The following CPA6 variants were observed in gnomAD, a reference collection of about 807,000 sequenced individuals.
The protein encoded by CPA6 is carboxypeptidase A6.
CPA6 carries 58 observed loss-of-function variants against 63.3 expected under a neutral mutation model. That is an observed-to-expected ratio of 0.92 (90% CI 0.74 to 1.14). The LOEUF (loss-of-function observed/expected upper bound fraction) is 1.14. Ranked by LOEUF, CPA6 falls within the 50% of genes most tolerant of loss-of-function variation. The pLI is 0.00. For missense variants in CPA6, 565 were observed against 526.6 expected (o/e 1.07, Z -0.71); for synonymous variants, 185 against 179.0 (o/e 1.03, Z -0.27).
intron 2 of CPA6, among the ~76,000 whole-genome samples, chr8:67,546,635 T>C (rs530303098): frequency 2.0e-5 from 3 of 152,168 alleles, no homozygotes; most frequent in Non-Finnish European, 2.9e-5. Context: ...CTGGGCCCCA[T>C]GTCCAGAGTT....
chr8:67,708,406 A>G (rs1327617130), intron 1 of CPA6, among the ~76,000 whole-genome samples: 5 of 152,202 alleles, frequency 3.3e-5, no homozygotes, highest in African/African-American at 4.8e-5. Flanking sequence ...TAAATCTATT[A>G]AAGTTGTTTT....
chr8:67,438,099 G>GT (rs1046364144), intron 8 of CPA6, among the ~76,000 whole-genome samples: 2 of 152,136 alleles, frequency 1.3e-5, no homozygotes, highest in African/African-American at 4.8e-5. Flanking sequence ...TGTATTTTTA[G>GT]TAGAGACGGG....
intron 8 of CPA6, among the ~76,000 whole-genome samples, chr8:67,461,267 A>C (rs1587451310): frequency 7.0e-6 from 1 of 142,514 alleles, no homozygotes; most frequent in Admixed American, 7.1e-5. Context: ...ATGATTCTTA[A>C]CGAGCATGCT....
chr8:67,665,747 G>A (rs74759674), intron 1 of CPA6, among the ~76,000 whole-genome samples: 1 of 152,196 alleles, frequency 6.6e-6, no homozygotes, highest in Non-Finnish European at 1.5e-5. Context: ...AGGCAATAAA[G>A]TTTGAGCATG....
intron 1 of CPA6, among the ~76,000 whole-genome samples, chr8:67,664,600 CT>C (rs1293087401): frequency 2.0e-5 from 3 of 151,928 alleles, no homozygotes; most frequent in Non-Finnish European, 2.9e-5. Flanking sequence ...TGCCCCCTGC[CT>C]TTTTTTTCTT....
intron 1 of CPA6, among the ~76,000 whole-genome samples, chr8:67,676,592 A>G (rs1816479874): frequency 6.6e-6 from 1 of 152,200 alleles, no homozygotes; most frequent in Non-Finnish European, 1.5e-5. Flanking sequence ...TAAAACTTTT[A>G]TAGATTAATT....
At chr8:67,620,838 C>T (rs1009422075) in intron 2 of CPA6, among the ~76,000 whole-genome samples, 3 of 152,146 alleles carry the variant, frequency 2.0e-5, no homozygotes, top group Admixed American at 6.6e-5. Flanking sequence ...CAGAGCAGGT[C>T]TGAAAAATAC....
intron 1 of CPA6, among the ~76,000 whole-genome samples, chr8:67,744,640 A>G (rs1000585666): frequency 1.3e-5 from 2 of 152,186 alleles, no homozygotes; most frequent in Admixed American, 1.3e-4. Flanking sequence ...GGCATCAGCC[A>G]GGAGAGTCAG....
chr8:67,466,785 A>C (rs1450965465), intron 8 of CPA6, among the ~76,000 whole-genome samples: 2 of 152,220 alleles, frequency 1.3e-5, no homozygotes, highest in African/African-American at 4.8e-5. Context: ...ATTTGAAAGA[A>C]GGAAAAACAA....
chr8:67,605,775 G>C (rs1814620822), intron 2 of CPA6, among the ~76,000 whole-genome samples: 1 of 152,058 alleles, frequency 6.6e-6, no homozygotes, highest in South Asian at 2.1e-4. Context: ...TCGTTTCTGA[G>C]GCAAATATTC....
intron 1 of CPA6, among the ~76,000 whole-genome samples, chr8:67,744,938 G>A (rs1817980249): frequency 1.3e-5 from 2 of 152,104 alleles, no homozygotes; most frequent in East Asian, 1.9e-4. Flanking sequence ...TCCTCTGTAA[G>A]CACTGTATTC....
chr8:67,661,188 T>G (rs772802049), intron 1 of CPA6, among the ~76,000 whole-genome samples: 153 of 151,390 alleles, frequency 1.0e-3, no homozygotes, highest in Non-Finnish European at 1.8e-3. Context: ...TCAAGGAAGG[T>G]GTAATTGAGA....
In CPA6 at chr8:67,434,209, G is replaced by C; in HGVS notation, c.870C>G (p.Asp290Glu). The C allele has an allele frequency of 1.2e-6, 2 of 1,614,128 alleles. No homozygotes were observed. The highest frequency in any genetic ancestry group is 1.7e-6 in the Non-Finnish European group (2 of 1,180,024). ...ATTCTGGAAAAGGGCCACAGTATGTGTCATCACAAGGGTGCATAGAAGCTC... is the reference window on the plus strand; with the variant it reads ...ATTCTGGAAAAGGGCCACAGTATGTCTCATCACAAGGGTGCATAGAAGCTC... ...DEGASMHPCDDTYCGPFPESE... is the reference protein window; with the variant it reads ...DEGASMHPCDETYCGPFPESE... Residue 290 changes from aspartate to glutamate, a missense_variant, in exon 9 of 11, where the codon GAC becomes GAG. Transcript: ENST00000297770.
At chr8:67,673,590 C>CA (rs1816402522) in intron 1 of CPA6, among the ~76,000 whole-genome samples, 1 of 147,784 alleles carries the variant, frequency 6.8e-6, no homozygotes, top group African/African-American at 2.5e-5. Context: ...GACGGGGTTT[C>CA]ACCGTGTTAG....
intron 2 of CPA6, among the ~76,000 whole-genome samples, chr8:67,546,913 C>A (rs1262830618): frequency 1.3e-5 from 2 of 152,156 alleles, no homozygotes; most frequent in African/African-American, 2.4e-5. Flanking sequence ...TGGCCTCCAA[C>A]TCCTGGGCAC....
At chr8:67,523,116 A>G (rs772251768) in intron 2 of CPA6, among the ~76,000 whole-genome samples, 22 of 152,366 alleles carry the variant, frequency 1.4e-4, no homozygotes, top group Admixed American at 3.9e-4. Context: ...GTTTTACTGC[A>G]GGCAATCTAC....
At chr8:67,486,060 G>C (rs369319756) in intron 6 of CPA6, among the ~76,000 whole-genome samples, 6 of 152,100 alleles carry the variant, frequency 3.9e-5, no homozygotes, top group African/African-American at 1.4e-4. Context: ...TTATACTTAG[G>C]TTGTTTTTGT....
Position 67,653,145 on chromosome 8 carries a change from C to T in CPA6, c.117-28894G>A, listed in dbSNP as rs989985608. Among the ~76,000 whole-genome samples, 21 of 151,080 alleles carry T rather than the reference C, an allele frequency of 1.4e-4. 1 individual carries two copies. The highest frequency in any genetic ancestry group is 5.1e-4 in the African/African-American group (21 of 41,238). ...ACCATGCTGTTTTGGTTACTGTAGC[C>T]TTGTAGTATAGTTTGAAGTCAGGTA... On this transcript the variant is annotated intron_variant, in intron 1 of 10. Coordinates refer to ENST00000297770, the MANE Select transcript of CPA6 (RefSeq NM_020361.5).
At chr8:67,516,226 C>T (rs1344230472) in intron 3 of CPA6, among the ~76,000 whole-genome samples, 1 of 152,182 alleles carries the variant, frequency 6.6e-6, no homozygotes, top group Non-Finnish European at 1.5e-5. Flanking sequence ...GATAACTTTG[C>T]TTCTTCATTC....
Sources: gnomAD v4.1 joint callset for allele counts (sites outside exome capture counted in the v4.1 genomes callset) on GRCh38, gnomAD v4.1.1 for gene constraint, MANE v1.5 for transcripts, NCBI Gene and HGNC (gene_info 2026-07-23, HGNC 2026-07-21) for gene names.